Variants in DLGAP2 observed in about 807,000 individuals in gnomAD.
DLGAP2 encodes the protein disks large-associated protein 2.
DLGAP2 carries 26 observed loss-of-function variants against 100.3 expected under a neutral mutation model. That is an observed-to-expected ratio of 0.26 (90% CI 0.19 to 0.36). The LOEUF is 0.36. Ranked by LOEUF, DLGAP2 falls within the 10% of genes least tolerant of loss-of-function variation. The probability of loss-of-function intolerance (pLI) is 1.00; values close to 1 mark genes in which losing one functional copy is unlikely to be tolerated. For missense variants in DLGAP2, 1,858 were observed against 1,453.2 expected, an observed-to-expected ratio of 1.28 and a Z score of -4.53; for synonymous variants, 886 against 630.1, an observed-to-expected ratio of 1.41 and a Z score of -6.08.
chr8:1,579,611 G>T (rs75086172), intron 6 of DLGAP2, among the ~76,000 whole-genome samples: 1 of 151,972 alleles, frequency 6.6e-6, no homozygotes, highest in South Asian at 2.1e-4. Context: ...AATGAATGAC[G>T]CAGTGCAAAA....
At chr8:1,592,809 C>A (rs753019073) in intron 6 of DLGAP2, among the ~76,000 whole-genome samples, 1 of 152,186 alleles carries the variant, frequency 6.6e-6, no homozygotes, top group Non-Finnish European at 1.5e-5. Flanking sequence ...AATTGTCAGG[C>A]TCAGACTTCT....
chr8:880,049 C>T (rs925597471), intron 1 of DLGAP2, among the ~76,000 whole-genome samples: 5 of 152,168 alleles, frequency 3.3e-5, no homozygotes, highest in Non-Finnish European at 7.3e-5. Context: ...GAAATTCTGT[C>T]CTGGCCTTCT....
At chr8:1,632,767 C>A (rs1378727935) in intron 7 of DLGAP2, 60 bp from the exon 8 acceptor site, 1 of 1,513,318 alleles carries the variant, frequency 6.6e-7, no homozygotes, top group Non-Finnish European at 8.9e-7. Flanking sequence ...CCTGGCTTTT[C>A]TGTAACGTGA....
intron 2 of DLGAP2, among the ~76,000 whole-genome samples, chr8:1,046,875 T>TGGTAAATG (rs1802531132): frequency 6.6e-6 from 1 of 152,130 alleles, no homozygotes; most frequent in Admixed American, 6.5e-5. Context: ...GGTCAAGGCC[T>TGGTAAATG]CACCCATTGT....
intron 2 of DLGAP2, among the ~76,000 whole-genome samples, chr8:997,215 A>C (rs1223280162): frequency 6.6e-6 from 1 of 152,234 alleles, no homozygotes; most frequent in Non-Finnish European, 1.5e-5. Context: ...TTGGGAACTT[A>C]AATTTTCAGA....
chr8:1,210,017 A>G (rs965075157), intron 2 of DLGAP2, among the ~76,000 whole-genome samples: 2 of 152,138 alleles, frequency 1.3e-5, no homozygotes, highest in Non-Finnish European at 2.9e-5. Flanking sequence ...AGTGTCAGTC[A>G]TGGTGCTCAG....
At chr8:1,087,068 C>T (rs1803996538) in intron 2 of DLGAP2, among the ~76,000 whole-genome samples, 1 of 151,926 alleles carries the variant, frequency 6.6e-6, no homozygotes, top group Non-Finnish European at 1.5e-5. Flanking sequence ...TTTCTGACCA[C>T]AATGATATGA....
intron 5 of DLGAP2, among the ~76,000 whole-genome samples, chr8:1,553,078 C>T (rs746468039): frequency 1.2e-4 from 18 of 152,116 alleles, no homozygotes; most frequent in Non-Finnish European, 1.8e-4. Context: ...GAGGGAGAGA[C>T]GCCGCCTCCC....
At chr8:979,057 A>G (rs909296408) in intron 2 of DLGAP2, among the ~76,000 whole-genome samples, 7 of 152,132 alleles carry the variant, frequency 4.6e-5, no homozygotes, top group Non-Finnish European at 1.0e-4. Flanking sequence ...GTTCAGGAGC[A>G]TGCAGTCCGA....
At chr8:1,003,752 C>T (rs1227255575) in intron 2 of DLGAP2, among the ~76,000 whole-genome samples, 1 of 152,208 alleles carries the variant, frequency 6.6e-6, no homozygotes, top group Non-Finnish European at 1.5e-5. Flanking sequence ...CGCCTGGATT[C>T]TCTCTCATGA....
chr8:773,134 T>G (rs113558430), intron 1 of DLGAP2, among the ~76,000 whole-genome samples: 2,489 of 152,246 alleles, frequency 0.016, 35 homozygotes, highest in Non-Finnish European at 0.024. Flanking sequence ...ACTCATCTTC[T>G]CACAGCTCTG....
intron 2 of DLGAP2, among the ~76,000 whole-genome samples, chr8:1,118,559 G>GCTGCTGCTGCTA (rs1795954603): frequency 6.6e-6 from 1 of 152,154 alleles, no homozygotes; most frequent in Non-Finnish European, 1.5e-5. Context: ...GGCTGCTGCT[G>GCTGCTGCTGCTA]CTGCTGCTGC....
intron 12 of DLGAP2, among the ~76,000 whole-genome samples, chr8:1,687,322 T>C (rs1205352930): frequency 1.3e-5 from 2 of 152,234 alleles, no homozygotes; most frequent in Non-Finnish European, 2.9e-5. Flanking sequence ...TCTTTGTACA[T>C]GGAAGGCAAG....
intron 2 of DLGAP2, among the ~76,000 whole-genome samples, chr8:1,205,216 G>A (rs1383905238): frequency 1.3e-5 from 2 of 152,172 alleles, no homozygotes; most frequent in East Asian, 3.9e-4. Context: ...GTAACTGTAG[G>A]TTAAGAAGTC....
In DLGAP2 at chr8:1,535,691, G is replaced by A. The variant is rs184694277; in HGVS notation, c.173-12935G>A. On this transcript the variant is annotated intron_variant, in intron 4 of 14. Coordinates refer to ENST00000637795, the MANE Select transcript of DLGAP2 (RefSeq NM_001346810.2). ...GGTTTTATCACACAGTGTTGTTTTC[G>A]TCCACCTTGGTGCAACGGCCCTGGT... Among the ~76,000 whole-genome samples the A allele has an allele frequency of 2.6e-3, 392 of 152,310 alleles. 1 individual carries two copies. The highest frequency in any genetic ancestry group is 3.9e-3 in the South Asian group (19 of 4,828).
chr8:1,644,285 C>T (rs1368537223), intron 8 of DLGAP2, among the ~76,000 whole-genome samples: 2 of 152,208 alleles, frequency 1.3e-5, no homozygotes, highest in African/African-American at 2.4e-5. Context: ...CCAAGAGCCT[C>T]GTCTCGGCTC....
At chr8:1,228,227 T>C (rs918416466) in intron 2 of DLGAP2, among the ~76,000 whole-genome samples, 4 of 151,506 alleles carry the variant, frequency 2.6e-5, no homozygotes, top group Non-Finnish European at 4.4e-5. Context: ...TAAAGTATAA[T>C]AAAATAAAAA....
intron 2 of DLGAP2, among the ~76,000 whole-genome samples, chr8:1,129,125 G>T (rs942063855): frequency 6.6e-6 from 1 of 152,140 alleles, no homozygotes; most frequent in Non-Finnish European, 1.5e-5. Flanking sequence ...CTTACTTAGG[G>T]CCAGGTGCCG....
intron 4 of DLGAP2, among the ~76,000 whole-genome samples, chr8:1,518,498 G>T (rs1399374346): frequency 1.3e-5 from 2 of 152,176 alleles, no homozygotes; most frequent in Non-Finnish European, 2.9e-5. Flanking sequence ...TATAACGTTT[G>T]AGTTTCATAA....
Sources: allele counts gnomAD v4.1 joint callset (sites outside exome capture counted in the v4.1 genomes callset), GRCh38; gene constraint gnomAD v4.1.1; transcripts MANE v1.5; gene names NCBI Gene and HGNC (gene_info 2026-07-23, HGNC 2026-07-21).